ZNF177: variants seen among roughly 807,000 people sequenced by gnomAD.
The protein encoded by ZNF177 is zinc finger protein 177.
A neutral mutation model predicts 19.4 loss-of-function variants in ZNF177; 17 were observed. The observed-to-expected ratio is 0.87, with a 90% CI of 0.60 to 1.31. The LOEUF (loss-of-function observed/expected upper bound fraction) is 1.31, where lower values mean the gene tolerates loss of function less well. Among genes scored for constraint, ZNF177 ranks in the 40% most tolerant of loss-of-function variants. The pLI is 0.00. For missense variants in ZNF177, 633 were observed against 561.8 expected, an observed-to-expected ratio of 1.13 and a Z score of -1.28; for synonymous variants, 220 against 188.7, an observed-to-expected ratio of 1.17 and a Z score of -1.36.
intron 2 of ZNF177, among the ~76,000 whole-genome samples, chr19:9,365,882 T>G (rs970660027): frequency 6.6e-6 from 1 of 152,090 alleles, no homozygotes; most frequent in Non-Finnish European, 1.5e-5. Context: ...TAAAATTGGA[T>G]TGATGTTCCT....
exon 6 of ZNF177, chr19:9,381,418 A>G (rs370451220): frequency 4.5e-5 from 72 of 1,611,640 alleles, no homozygotes; most frequent in Non-Finnish European, 6.1e-5. Flanking sequence ...GAGAACCCAC[A>G]CTGGAGAGAA....
exon 6 of ZNF177, chr19:9,381,206 C>G: frequency 1.2e-6 from 2 of 1,614,136 alleles, no homozygotes; most frequent in Middle Eastern, 3.3e-4. Flanking sequence ...TGTGGGAAAG[C>G]CTTCATTTTT....
chr19:9,381,610 A>G (rs779675761), exon 6 of ZNF177: 1 of 1,614,150 alleles, frequency 6.2e-7, no homozygotes. Flanking sequence ...CTATGAGTGT[A>G]AAGAATGTGG....
chr19:9,376,693 ATTTTATG>A (rs2068113632), intron 1 of ZNF177, among the ~76,000 whole-genome samples: 1 of 152,134 alleles, frequency 6.6e-6, no homozygotes, highest in Admixed American at 6.5e-5. Flanking sequence ...CATTTCCCAC[ATTTTATG>A]TTTTTGATGT....
chr19:9,381,434 A>T (rs772005989), exon 6 of ZNF177: 1 of 1,611,462 alleles, frequency 6.2e-7, no homozygotes. Context: ...GAGAAACCCT[A>T]TGAATGCAGT....
chr19:9,382,462 C>T (rs530672119), downstream of ZNF177: 7 of 398,552 alleles, frequency 1.8e-5, no homozygotes, highest in African/African-American at 1.2e-4. Context: ...TATCTGGTTG[C>T]ACTAATCCTG....
chr19:9,379,665 A>G (rs775464439), intron 4 of ZNF177, 46 bp downstream of exon 6: 1 of 1,594,108 alleles, frequency 6.3e-7, no homozygotes, highest in South Asian at 1.1e-5. Context: ...AGTGAGGGTT[A>G]GTACATTTGG....
At chr19:9,379,448 G>A (rs962239828) in intron 3 of ZNF177, 79 bp from the exon 6 acceptor site, 2 of 1,514,764 alleles carry the variant, frequency 1.3e-6, no homozygotes, top group Non-Finnish European at 1.8e-6. Context: ...TTTAGTTAAA[G>A]CCAAAGTATG....
chr19:9,378,107 T>G (rs2068137846), intron 1 of ZNF177, 152 bp from the exon 4 acceptor site: 1 of 590,200 alleles, frequency 1.7e-6, no homozygotes, highest in African/African-American at 1.9e-5. Context: ...TATTTCTAAT[T>G]TGAGGATATA....
intron 2 of ZNF177, 32 bp downstream of exon 4, chr19:9,378,376 AC>A: frequency 6.2e-7 from 1 of 1,613,134 alleles, no homozygotes; most frequent in Non-Finnish European, 8.5e-7. Context: ...TTCCAAAAGC[AC>A]ACTGCCATTC....
At chr19:9,380,539 G>A (rs778540734) in intron 5 of ZNF177, 129 bp from the exon 8 acceptor site, 1 of 1,525,752 alleles carries the variant, frequency 6.6e-7, no homozygotes, top group South Asian at 1.2e-5. Context: ...CGCACCTACT[G>A]AAAATGGTAC....
Position 9,366,518 on chromosome 19 carries a change from A to T in ZNF177, c.-305+1570A>T, listed in dbSNP as rs561180461. Among the ~76,000 whole-genome samples, 41 of 152,162 alleles carry T rather than the reference A, an allele frequency of 2.7e-4. 1 individual carries two copies. In the South Asian group the frequency reaches 8.1e-3, roughly 30 times the overall value. On this transcript the variant is annotated intron_variant, in intron 2 of 8. Coordinates refer to the ZNF177 transcript ENST00000343499. Reference sequence around the variant, plus strand: ...TGATCCACCCACTACAGCCTCCCTAAGTGCTGAGGATTACAGGCATGAGTC... The same window carrying T: ...TGATCCACCCACTACAGCCTCCCTATGTGCTGAGGATTACAGGCATGAGTC...
upstream of ZNF177, among the ~76,000 whole-genome samples, chr19:9,375,637 T>C (rs917156369): frequency 3.9e-5 from 6 of 152,184 alleles, no homozygotes; most frequent in Non-Finnish European, 7.4e-5. Context: ...TATGGTCTCA[T>C]GATCCTTTAT....
chr19:9,373,383 A>G (rs1484710038), upstream of ZNF177, among the ~76,000 whole-genome samples: 2 of 152,246 alleles, frequency 1.3e-5, no homozygotes, highest in African/African-American at 2.4e-5. Context: ...TATAGCAGCT[A>G]TTATAAATAA....
intron 1 of ZNF177, among the ~76,000 whole-genome samples, chr19:9,376,792 G>A (rs2068115645): frequency 6.6e-6 from 1 of 151,898 alleles, no homozygotes; most frequent in Admixed American, 6.6e-5. Flanking sequence ...TTTTACACTA[G>A]AGATAAGTTA....
At chr19:9,369,252 T>C (rs1290743971) in intron 2 of ZNF177, among the ~76,000 whole-genome samples, 6 of 152,112 alleles carry the variant, frequency 3.9e-5, no homozygotes, top group Non-Finnish European at 4.4e-5. Flanking sequence ...TTGAAAGTCT[T>C]ATAGTGATGA....
intron 1 of ZNF177, among the ~76,000 whole-genome samples, chr19:9,377,586 A>G (rs973733688): frequency 1.3e-5 from 2 of 152,164 alleles, no homozygotes; most frequent in African/African-American, 4.8e-5. Context: ...TTTACAACAA[A>G]AAAGTTTAAA....
At chr19:9,380,726 A>C in exon 6 of ZNF177, 1 of 1,535,948 alleles carries the variant, frequency 6.5e-7, no homozygotes, top group Non-Finnish European at 8.7e-7. Flanking sequence ...AAATTCAGAA[A>C]GAACACTCGC....
intron 2 of ZNF177, among the ~76,000 whole-genome samples, chr19:9,366,429 T>A (rs2067980917): frequency 6.6e-6 from 1 of 152,080 alleles, no homozygotes; most frequent in South Asian, 2.1e-4. Context: ...GCTATTTTTT[T>A]AAATTTTTGG....
Sources: gnomAD v4.1 joint callset for allele counts (sites outside exome capture counted in the v4.1 genomes callset) on GRCh38, gnomAD v4.1.1 for gene constraint, MANE v1.5 for transcripts, NCBI Gene and HGNC (gene_info 2026-07-23, HGNC 2026-07-21) for gene names.